The following RANBP2 variants were observed in gnomAD, a reference collection of about 807,000 sequenced individuals.
RANBP2 encodes RAN binding protein 2, also known as E3 SUMO-protein ligase RanBP2.
In RANBP2, 57 loss-of-function variants were observed where a neutral mutation model predicts 303.6. That is an observed-to-expected ratio of 0.19 (90% CI 0.15 to 0.23). The LOEUF (loss-of-function observed/expected upper bound fraction) is 0.23, where lower values mean the gene tolerates loss of function less well. RANBP2 is among the 10% of genes least tolerant of loss of function. The probability of loss-of-function intolerance (pLI) is 1.00; values close to 1 mark genes in which losing one functional copy is unlikely to be tolerated. For missense variants in RANBP2, 3,138 were observed against 3,780.8 expected (o/e 0.83, Z 4.46); for synonymous variants, 1,167 against 1,301.5 (o/e 0.90, Z 2.23).
At chr2:109,082,592 C>A in the RANBP2 span, among the ~76,000 whole-genome samples, 1 of 150,042 alleles carries the variant, frequency 6.7e-6, no homozygotes, top group African/African-American at 2.4e-5. Context: ...AGCCACCACA[C>A]CCGGCCTAGC....
intron 1 of RANBP2, among the ~76,000 whole-genome samples, chr2:108,722,153 G>A (rs866911287): frequency 1.3e-5 from 2 of 151,810 alleles, no homozygotes; most frequent in South Asian, 2.1e-4. Flanking sequence ...CTAGACAGAA[G>A]TTAGAATGTT....
chr2:109,491,392 C>T, the RANBP2 span, among the ~76,000 whole-genome samples: 12,558 of 152,234 alleles, frequency 0.082, 668 homozygotes, highest in African/African-American at 0.15. Context: ...TTACTCAAGA[C>T]GGCTTCAAGT....
the RANBP2 span, among the ~76,000 whole-genome samples, chr2:109,387,499 A>G: frequency 6.6e-6 from 1 of 152,186 alleles, no homozygotes; most frequent in East Asian, 1.9e-4. Context: ...CTGCTGCCAC[A>G]GGGCCTTTGC....
At position 108,764,566 on chromosome 2, in the gene RANBP2, A is replaced by C. The variant is rs1166902361; in HGVS notation, c.4027A>C (p.Asn1343His). The change falls in exon 20 of 29, where the codon AAT (asparagine) becomes CAT (histidine). Residue 1343 changes from asparagine (N) to histidine (H), a missense_variant. Asn to His is a moderately conservative substitution (Grantham distance 68). Around this residue, in one of 20 missense-constraint regions of RANBP2, gnomAD observed 388 missense variants for 328.5 expected, o/e 1.18. Transcript: ENST00000283195. ...TTGCAAATCTGATGCTGGAAACCTG[A>C]ATTTTGAATTTCAGGTTGCAAAGAA... is the stretch of plus-strand genomic sequence containing the variant. ...DICKSDAGNL[N>H]FEFQVAKKEG... is the part of the protein sequence containing the mutation. 1 of 1,614,008 alleles carries C rather than the reference A, an allele frequency of 6.2e-7. No individual in the cohort carries two copies. Among genetic ancestry groups the C allele is most frequent in the South Asian group, 1.1e-5 (1 of 91,060 alleles).
chr2:109,173,833 C>T, the RANBP2 span, among the ~76,000 whole-genome samples: 141 of 152,322 alleles, frequency 9.3e-4, 1 homozygote, highest in African/African-American at 3.2e-3. Flanking sequence ...ACACTGCCGT[C>T]GTCCTTGGAA....
At chr2:109,332,886 T>C in the RANBP2 span, among the ~76,000 whole-genome samples, 1 of 152,244 alleles carries the variant, frequency 6.6e-6, no homozygotes, top group African/African-American at 2.4e-5. Flanking sequence ...ATAGAATAAA[T>C]GGTCAGAAAC....
At chr2:109,551,123 G>A in the RANBP2 span, among the ~76,000 whole-genome samples, 1 of 152,162 alleles carries the variant, frequency 6.6e-6, no homozygotes. Flanking sequence ...AAGACAGAAC[G>A]TCAACGATAT....
chr2:109,513,251 A>T, the RANBP2 span, among the ~76,000 whole-genome samples: 1 of 151,850 alleles, frequency 6.6e-6, no homozygotes, highest in Non-Finnish European at 1.5e-5. Flanking sequence ...CACCACACAC[A>T]CCTCATGTGC....
At chr2:109,247,894 G>T in the RANBP2 span, among the ~76,000 whole-genome samples, 1 of 152,198 alleles carries the variant, frequency 6.6e-6, no homozygotes, top group Non-Finnish European at 1.5e-5. Context: ...GCGTCTTCAT[G>T]TGGTGGACTG....
the RANBP2 span, among the ~76,000 whole-genome samples, chr2:109,024,205 G>A: frequency 6.6e-6 from 1 of 152,208 alleles, no homozygotes; most frequent in Non-Finnish European, 1.5e-5. Context: ...GATTACAGGC[G>A]TGAGCCACCA....
the RANBP2 span, among the ~76,000 whole-genome samples, chr2:109,434,300 C>A: frequency 6.6e-6 from 1 of 152,256 alleles, no homozygotes; most frequent in Non-Finnish European, 1.5e-5. Flanking sequence ...CAGGTTCTTC[C>A]TCCATGCAGC....
the RANBP2 span, among the ~76,000 whole-genome samples, chr2:109,146,895 C>A: frequency 4.0e-3 from 405 of 100,748 alleles, 23 homozygotes; most frequent in Middle Eastern, 0.018. Flanking sequence ...TCCCCCCCCC[C>A]CCCCCCGCCC....
chr2:109,585,902 T>C, the RANBP2 span: 2 of 1,185,946 alleles, frequency 1.7e-6, no homozygotes, highest in Admixed American at 1.9e-5. Flanking sequence ...AAATAGGATG[T>C]AGGCACACTT....
rs1677164442 is a variant in RANBP2, at chr2:108,767,038, A to G, written c.6499A>G (p.Ile2167Val). The G allele has an allele frequency of 1.2e-6, 2 of 1,610,988 alleles. No individual in the cohort carries two copies. Among genetic ancestry groups the G allele is most frequent in the Non-Finnish European group, 1.7e-6 (2 of 1,179,552 alleles). Residue 2167 changes from isoleucine to valine, a missense_variant, in exon 20 of 29, where the codon ATA becomes GTA. This residue lies in a region of RANBP2 where 103 missense variants were observed against 214.3 expected (regional missense o/e 0.48). Coordinates refer to ENST00000283195, the MANE Select transcript of RANBP2 (RefSeq NM_006267.5). ...LVDTGRAAKL[I>V]QRAEEMKSGL... is the part of the protein sequence containing the mutation. ...AGATACTGGCAGAGCTGCCAAGTTA[A>G]TACAGAGAGCTGAAGAAATGAAGAG...
chr2:109,458,733 A>C, the RANBP2 span, among the ~76,000 whole-genome samples: 9 of 152,252 alleles, frequency 5.9e-5, no homozygotes, highest in Non-Finnish European at 1.2e-4. Flanking sequence ...TGTCCACAGG[A>C]TGCCTGTGAT....
chr2:109,216,648 T>C, the RANBP2 span, among the ~76,000 whole-genome samples: 1 of 152,218 alleles, frequency 6.6e-6, no homozygotes, highest in Non-Finnish European at 1.5e-5. Flanking sequence ...CCACCCTGCA[T>C]GCTCACTGGA....
the RANBP2 span, among the ~76,000 whole-genome samples, chr2:109,158,796 T>C: frequency 6.6e-6 from 1 of 152,148 alleles, no homozygotes; most frequent in Non-Finnish European, 1.5e-5. Context: ...GATTCCCGAG[T>C]GTGCACTCTG....
the RANBP2 span, among the ~76,000 whole-genome samples, chr2:109,106,127 C>T: frequency 1.3e-5 from 2 of 152,104 alleles, no homozygotes; most frequent in South Asian, 2.1e-4. Flanking sequence ...TCCCAAAGTG[C>T]TGGGATTACA....
At chr2:109,603,625 C>T in the RANBP2 span, among the ~76,000 whole-genome samples, 1 of 152,218 alleles carries the variant, frequency 6.6e-6, no homozygotes, top group African/African-American at 2.4e-5. Flanking sequence ...AAATCAATAT[C>T]CTTGCAATTT....
Sources: allele counts gnomAD v4.1 joint callset (sites outside exome capture counted in the v4.1 genomes callset), GRCh38; gene constraint gnomAD v4.1.1; regional missense constraint gnomAD v4.1.1; transcripts MANE v1.5; gene names NCBI Gene and HGNC (gene_info 2026-07-23, HGNC 2026-07-21).